The following NEGR1 variants were observed in gnomAD, a reference collection of about 807,000 sequenced individuals.
The protein encoded by NEGR1 is neuronal growth regulator 1, also known as IgLON family member 4.
Under a neutral mutation model 40.9 loss-of-function variants are expected in NEGR1, and 10 were observed. That is an observed-to-expected ratio of 0.24 (90% confidence interval 0.15 to 0.42). NEGR1 has a LOEUF of 0.42. Ranked by LOEUF, NEGR1 falls within the 10% of genes least tolerant of loss-of-function variation. NEGR1 has a pLI of 1.00. For synonymous variants in NEGR1, 185 were observed against 166.8 expected (o/e 1.11, Z -0.84); for missense variants, 352 against 438.9 (o/e 0.80, Z 1.77).
chr1:71,684,215 G>C (rs893067870), intron 4 of NEGR1, among the ~76,000 whole-genome samples: 4 of 152,036 alleles, frequency 2.6e-5, no homozygotes, highest in African/African-American at 9.7e-5. Context: ...AGCTTGCAGT[G>C]AGCCCAGATC....
chr1:71,966,487 T>C (rs1646210630), intron 1 of NEGR1, among the ~76,000 whole-genome samples: 1 of 152,144 alleles, frequency 6.6e-6, no homozygotes, highest in Non-Finnish European at 1.5e-5. Flanking sequence ...TTACACGCTG[T>C]TTTTTCTATA....
At chr1:71,526,102 T>G (rs984771521) in intron 6 of NEGR1, among the ~76,000 whole-genome samples, 1 of 151,728 alleles carries the variant, frequency 6.6e-6, no homozygotes, top group Admixed American at 6.6e-5. Context: ...TATTCTAAAT[T>G]GCATCGTAGG....
intron 4 of NEGR1, among the ~76,000 whole-genome samples, chr1:71,686,415 C>G (rs763430545): frequency 8.1e-4 from 123 of 152,188 alleles, no homozygotes; most frequent in African/African-American, 2.9e-3. Flanking sequence ...CATTCAGGGG[C>G]TCACACAAGG....
At chr1:71,711,985 G>T (rs969072842) in intron 3 of NEGR1, among the ~76,000 whole-genome samples, 1 of 152,150 alleles carries the variant, frequency 6.6e-6, no homozygotes, top group Non-Finnish European at 1.5e-5. Context: ...CTATCAAGGT[G>T]AAGAATAGAT....
intron 1 of NEGR1, among the ~76,000 whole-genome samples, chr1:72,156,623 A>G (rs1186169945): frequency 1.3e-5 from 2 of 152,134 alleles, no homozygotes; most frequent in Non-Finnish European, 2.9e-5. Context: ...TGTTGCTACC[A>G]TAGTCTTTTT....
chr1:72,146,872 G>A (rs1327232591), intron 1 of NEGR1, among the ~76,000 whole-genome samples: 2 of 152,142 alleles, frequency 1.3e-5, no homozygotes, highest in Admixed American at 6.6e-5. Context: ...TAATTAAGTG[G>A]CTACATTAAT....
rs1434204461 is a variant in NEGR1, at chr1:71,406,684, A to G, written c.*762T>C. ...AACCCCATTGTCAGTGCAGGAAGAG[A>G]TTTTTACAGTCCAATAGCTCCTTCG... On this transcript the variant is annotated 3_prime_UTR_variant, in exon 7 of 7. Transcript: ENST00000357731. 6.6e-6 allele frequency: 1 copy of G among 152,500 alleles called. No individual in the cohort carries two copies. The highest frequency in any genetic ancestry group is 2.4e-5 in the African/African-American group (1 of 41,442). 9.4% of individuals were successfully genotyped at this position (152,500 alleles called of 1,614,324 possible).
chr1:71,635,390 T>G (rs909029347), intron 4 of NEGR1, among the ~76,000 whole-genome samples: 14 of 151,962 alleles, frequency 9.2e-5, no homozygotes, highest in Admixed American at 2.0e-4. Context: ...CCAGAAAGGA[T>G]AGGAGAGAAG....
chr1:71,963,224 TTAA>T (rs1646181304), intron 1 of NEGR1, among the ~76,000 whole-genome samples: 2 of 152,078 alleles, frequency 1.3e-5, no homozygotes, highest in Non-Finnish European at 2.9e-5. Context: ...CCCTTTCTTT[TTAA>T]GTACCTGAAG....
chr1:72,244,564 T>C (rs1212870115), intron 1 of NEGR1, among the ~76,000 whole-genome samples: 2 of 151,946 alleles, frequency 1.3e-5, no homozygotes, highest in Non-Finnish European at 2.9e-5. Flanking sequence ...CATTTGGTAA[T>C]TGTAAATACA....
chr1:72,276,968 A>G (rs751030492), intron 1 of NEGR1, among the ~76,000 whole-genome samples: 7 of 152,162 alleles, frequency 4.6e-5, no homozygotes, highest in Non-Finnish European at 8.8e-5. Context: ...TGAAGGAATA[A>G]AGGGATAAAG....
At chr1:71,826,228 C>T (rs529803697) in intron 2 of NEGR1, among the ~76,000 whole-genome samples, 1 of 151,908 alleles carries the variant, frequency 6.6e-6, no homozygotes, top group Non-Finnish European at 1.5e-5. Context: ...CAAGTGTGTT[C>T]TCTGTCACTC....
intron 1 of NEGR1, among the ~76,000 whole-genome samples, chr1:72,080,648 C>A (rs746400021): frequency 8.6e-5 from 13 of 152,020 alleles, no homozygotes; most frequent in Non-Finnish European, 1.5e-4. Context: ...TAGTATTATA[C>A]ACCTGGAGTT....
intron 3 of NEGR1, among the ~76,000 whole-genome samples, chr1:71,728,503 A>G (rs1172861391): frequency 6.6e-6 from 1 of 152,124 alleles, no homozygotes; most frequent in Admixed American, 6.6e-5. Context: ...GAACAGTTCT[A>G]TATTCTGACT....
chr1:71,741,205 G>A (rs542895063), intron 3 of NEGR1, among the ~76,000 whole-genome samples: 73 of 152,164 alleles, frequency 4.8e-4, no homozygotes, highest in Non-Finnish European at 8.5e-4. Flanking sequence ...TTGAGCTGGA[G>A]GTTTGGCAAT....
chr1:72,054,606 G>A, intron 1 of NEGR1, among the ~76,000 whole-genome samples: 1 of 151,142 alleles, frequency 6.6e-6, no homozygotes, highest in East Asian at 1.9e-4. Flanking sequence ...GACTTATTTT[G>A]TAAAATCAGT....
intron 1 of NEGR1, among the ~76,000 whole-genome samples, chr1:72,031,812 G>C (rs761048650): frequency 6.6e-6 from 1 of 152,042 alleles, no homozygotes; most frequent in African/African-American, 2.4e-5. Context: ...CTAAAATAAG[G>C]GGCATTCTGT....
chr1:71,594,966 C>A (rs1440166679), intron 5 of NEGR1, among the ~76,000 whole-genome samples: 1 of 152,192 alleles, frequency 6.6e-6, no homozygotes, highest in Non-Finnish European at 1.5e-5. Context: ...TTAACCAGGG[C>A]CTTCAACTGG....
At chr1:72,242,715 C>A (rs2100516798) in intron 1 of NEGR1, among the ~76,000 whole-genome samples, 1 of 151,470 alleles carries the variant, frequency 6.6e-6, no homozygotes, top group African/African-American at 2.4e-5. Flanking sequence ...TAATTTAATC[C>A]CACCACAAAG....
Sources: allele counts gnomAD v4.1 joint callset (sites outside exome capture counted in the v4.1 genomes callset), GRCh38; gene constraint gnomAD v4.1.1; transcripts MANE v1.5; gene names NCBI Gene and HGNC (gene_info 2026-07-23, HGNC 2026-07-21).